Variants in TNNI3K observed in about 807,000 individuals in gnomAD.
The protein encoded by TNNI3K is serine/threonine-protein kinase TNNI3K.
TNNI3K carries 140 observed loss-of-function variants against 114.5 expected under a neutral mutation model. The ratio of observed to expected loss-of-function variants is 1.22; its 90% CI spans 1.07 to 1.41. TNNI3K has a LOEUF of 1.41. Among genes scored for constraint, TNNI3K ranks in the 40% most tolerant of loss-of-function variants. TNNI3K has a pLI of 0.00. For missense variants in TNNI3K, 1,125 were observed against 1,007.6 expected, an observed-to-expected ratio of 1.12 and a Z score of -1.58; for synonymous variants, 347 against 347.5, an observed-to-expected ratio of 1.00 and a Z score of 0.02.
In TNNI3K at chr1:74,252,318, T is replaced by A. The variant is rs3819941; in HGVS notation, c.333+1549T>A. ...GAGAAGGGTGCATAAACTATAACTT[T>A]TTCATAGCAAGTTTAAATGAAAATT... On this transcript the variant is annotated intron_variant, in intron 4 of 24. Transcript: ENST00000326637. 1.1e-4 allele frequency among the ~76,000 whole-genome samples: 17 copies of A among 152,316 alleles called. No homozygotes were observed. The East Asian group carries it at 3.3e-3, about 29-fold the overall frequency.
At chr1:74,404,403 G>A (rs1168008148) in intron 17 of TNNI3K, among the ~76,000 whole-genome samples, 1 of 151,950 alleles carries the variant, frequency 6.6e-6, no homozygotes, top group Non-Finnish European at 1.5e-5. Context: ...CTCTTAACTT[G>A]TCTCCTTCCT....
chr1:74,373,264 A>G (rs533166153), intron 17 of TNNI3K: 69 of 152,062 alleles, frequency 4.5e-4, no homozygotes, highest in African/African-American at 1.5e-3. Flanking sequence ...TCAAAGATGA[A>G]AGTTGAGTAG....
At chr1:74,351,031 C>T (rs1021598989) in intron 9 of TNNI3K, among the ~76,000 whole-genome samples, 6 of 151,290 alleles carry the variant, frequency 4.0e-5, no homozygotes, top group Non-Finnish European at 8.9e-5. Context: ...GGTTATTTTG[C>T]TCCTTAGTTG....
At chr1:74,450,831 C>A (rs1666958449) in intron 20 of TNNI3K, among the ~76,000 whole-genome samples, 1 of 152,122 alleles carries the variant, frequency 6.6e-6, no homozygotes, top group Admixed American at 6.5e-5. Flanking sequence ...TCATGGAAGA[C>A]AATGTGGTGA....
intron 17 of TNNI3K, among the ~76,000 whole-genome samples, chr1:74,424,879 G>T (rs570898833): frequency 6.6e-6 from 1 of 152,158 alleles, no homozygotes; most frequent in African/African-American, 2.4e-5. Flanking sequence ...ATACAAAGTG[G>T]CTTAAGAATA....
intron 5 of TNNI3K, among the ~76,000 whole-genome samples, chr1:74,311,492 AT>A (rs1270839997): frequency 2.6e-5 from 4 of 152,178 alleles, no homozygotes; most frequent in Non-Finnish European, 4.4e-5. Context: ...GTATTTTTCT[AT>A]GAAAATAGCT....
At chr1:74,431,387 A>G (rs1354332658) in intron 17 of TNNI3K, among the ~76,000 whole-genome samples, 1 of 152,066 alleles carries the variant, frequency 6.6e-6, no homozygotes, top group Non-Finnish European at 1.5e-5. Flanking sequence ...TTTTCTAGGT[A>G]TCTCAGAATG....
rs368003956 is a variant in TNNI3K, at chr1:74,473,039, C to T, written c.2121+9489C>T. 5.8e-4 allele frequency among the ~76,000 whole-genome samples: 89 copies of T among 152,190 alleles called. 2 individuals are homozygous for T. The South Asian group carries it at 9.1e-3, about 16-fold the overall frequency. ...TATAGGCACATGTGGAAGAAGGAAA[C>T]TTGTACTGGCTTCTTCTTAATGTCT... is the stretch of plus-strand genomic sequence containing the variant. On this transcript the variant is annotated intron_variant, in intron 21 of 24. Coordinates refer to ENST00000326637, the MANE Select transcript of TNNI3K (RefSeq NM_015978.3).
chr1:74,426,358 C>G (rs1476670007), intron 17 of TNNI3K, among the ~76,000 whole-genome samples: 1 of 152,062 alleles, frequency 6.6e-6, no homozygotes, highest in Non-Finnish European at 1.5e-5. Context: ...AGCCTCTGCT[C>G]GTCAGAGATA....
chr1:74,265,728 A>G (rs1342524962), intron 4 of TNNI3K, among the ~76,000 whole-genome samples: 2 of 152,072 alleles, frequency 1.3e-5, no homozygotes, highest in African/African-American at 4.8e-5. Context: ...CAATGCTATG[A>G]GAATGATACA....
intron 20 of TNNI3K, among the ~76,000 whole-genome samples, chr1:74,451,695 C>CTTTTCTTTTCTTTTCT (rs34653118): frequency 2.2e-4 from 6 of 27,182 alleles, no homozygotes; most frequent in African/African-American, 5.1e-4. Flanking sequence ...TTCTTTCTTT[C>CTTTTCTTTTCTTTTCT]TTTCTTTCTT....
At chr1:74,422,617 C>T (rs376050861) in intron 17 of TNNI3K, among the ~76,000 whole-genome samples, 1 of 152,108 alleles carries the variant, frequency 6.6e-6, no homozygotes, top group Non-Finnish European at 1.5e-5. Flanking sequence ...AGGGCCACTT[C>T]AACTCATCAT....
At chr1:74,445,701 C>G (rs1666621005) in intron 20 of TNNI3K, among the ~76,000 whole-genome samples, 1 of 148,892 alleles carries the variant, frequency 6.7e-6, no homozygotes, top group African/African-American at 2.5e-5. Flanking sequence ...AGTTCCGCCT[C>G]CCGGGTTCAT....
At position 74,534,510 on chromosome 1, in the gene TNNI3K, T is replaced by C. The variant is rs191301517; in HGVS notation, c.2352-5724T>C. 5.7e-3 allele frequency among the ~76,000 whole-genome samples: 870 copies of C among 152,254 alleles called. 3 individuals are homozygous for C. Among genetic ancestry groups the C allele is most frequent in the Non-Finnish European group, 6.8e-3 (461 of 68,026 alleles). On this transcript the variant is annotated intron_variant, in intron 23 of 24. Transcript: ENST00000326637. ...AGTTTGGAAGCCACAACACTGTCTG[T>C]TTTTAAGGCTCTAAATGGGGCCATT...
rs758318921 is a variant in TNNI3K, at chr1:74,451,611, TTTCC to T, written c.2012-11815_2012-11812del. Among the ~76,000 whole-genome samples the T allele has an allele frequency of 1.1e-3, 169 of 149,834 alleles. 1 individual carries two copies. The East Asian group carries it at 0.019, about 17-fold the overall frequency. On this transcript the variant is annotated intron_variant, in intron 20 of 24. Coordinates refer to ENST00000326637, the MANE Select transcript of TNNI3K (RefSeq NM_015978.3). Reference sequence around the variant, plus strand: ...TTCCTTCCTTCCTTTCTTTTCTTTCTTTCCTTCCTTCCTTCCTTTTCTTTTTCTT... The same window carrying T: ...TTCCTTCCTTCCTTTCTTTTCTTTCTTTCCTTCCTTCCTTTTCTTTTTCTT...
At chr1:74,528,867 G>A (rs930840943) in intron 23 of TNNI3K, among the ~76,000 whole-genome samples, 2 of 152,162 alleles carry the variant, frequency 1.3e-5, no homozygotes, top group Non-Finnish European at 2.9e-5. Flanking sequence ...GGCACTTGAA[G>A]AAATGACAGA....
intron 19 of TNNI3K, among the ~76,000 whole-genome samples, chr1:74,438,617 G>A (rs1666239140): frequency 6.6e-6 from 1 of 151,994 alleles, no homozygotes; most frequent in African/African-American, 2.4e-5. Flanking sequence ...TTCAGTAAGT[G>A]GTAGAGCCAG....
intron 20 of TNNI3K, among the ~76,000 whole-genome samples, chr1:74,455,727 G>A (rs1382006814): frequency 3.3e-5 from 5 of 152,164 alleles, no homozygotes; most frequent in African/African-American, 9.7e-5. Flanking sequence ...AGGAGAAGGT[G>A]CATGTCACAG....
At chr1:74,353,742 T>C (rs1053797257) in intron 10 of TNNI3K, among the ~76,000 whole-genome samples, 1 of 152,112 alleles carries the variant, frequency 6.6e-6, no homozygotes, top group Non-Finnish European at 1.5e-5. Flanking sequence ...GTAGAAATAC[T>C]ATAATTGTAC....
Sources: allele counts gnomAD v4.1 joint callset (sites outside exome capture counted in the v4.1 genomes callset), GRCh38; gene constraint gnomAD v4.1.1; transcripts MANE v1.5; gene names NCBI Gene and HGNC (gene_info 2026-07-23, HGNC 2026-07-21).